ZBTB25: variants seen among roughly 807,000 people sequenced by gnomAD.
ZBTB25 encodes zinc finger and BTB domain containing 25.
In ZBTB25, 20 loss-of-function variants were observed where a neutral mutation model predicts 34.2. That is an observed-to-expected ratio of 0.58 (90% confidence interval 0.41 to 0.85). ZBTB25 has a LOEUF of 0.85. ZBTB25 is among the 40% of genes least tolerant of loss of function. The pLI is 0.00. For synonymous variants in ZBTB25, 175 were observed against 186.4 expected, an observed-to-expected ratio of 0.94 and a Z score of 0.50; for missense variants, 437 against 521.8, an observed-to-expected ratio of 0.84 and a Z score of 1.58.
intron 2 of ZBTB25, among the ~76,000 whole-genome samples, 128 bp downstream of exon 2, chr14:64,490,208 CAAAAAAAAAAAAAAAAAAAAAAAAA>C (rs61367816): frequency 1.1e-5 from 1 of 90,928 alleles, no homozygotes; most frequent in Non-Finnish European, 2.0e-5. Context: ...ACTCTGTCGC[CAAAAAAAAAAAAAAAAAAAAAAAAA>C]AAAAAAAAAA....
intron 2 of ZBTB25, among the ~76,000 whole-genome samples, chr14:64,459,034 C>T (rs1003914010): frequency 6.6e-6 from 1 of 152,138 alleles, no homozygotes. Flanking sequence ...CTAGACTTAA[C>T]GCCCGTCTTA....
intron 2 of ZBTB25, 97 bp from the exon 3 acceptor site, chr14:64,488,154 AG>A: frequency 6.7e-7 from 1 of 1,487,496 alleles, no homozygotes; most frequent in Non-Finnish European, 8.9e-7. Context: ...TTTCTTCCTA[AG>A]AAGTTCGAAC....
rs1187359730 is a variant in ZBTB25 at position 64,486,292 on chromosome 14, ACT to A, written c.*629_*630del. 1.5e-5 allele frequency: 15 copies of A among 980,216 alleles called. No individual in the cohort carries two copies. The highest frequency in any genetic ancestry group is 6.2e-5 in the Admixed American group (1 of 16,210). 60.7% of individuals were successfully genotyped at this position (980,216 alleles called of 1,614,324 possible). A position where few individuals can be genotyped will look rare whatever the true frequency, so the allele number is the denominator to read the frequency against. ...GCCCCAGCCTGGGCGACACAGAGAG[ACT>A]CTGTCTCAAAAAAAAAAAGAGGTAT... On this transcript the variant is annotated 3_prime_UTR_variant, in exon 3 of 3. Transcript: ENST00000608382.
In ZBTB25 at chr14:64,487,411, G is replaced by T. The variant is rs1237169447; in HGVS notation, c.820C>A (p.Leu274Met). 1.9e-6 allele frequency: 3 copies of T among 1,614,214 alleles called. No individual in the cohort carries two copies. Among genetic ancestry groups the T allele is most frequent in the Admixed American group, 3.3e-5 (2 of 60,022 alleles). The change falls in exon 3 of 3, where the codon CTG becomes ATG. Residue 274 changes from leucine (L) to methionine (M), a missense_variant. Coordinates refer to ENST00000608382, the MANE Select transcript of ZBTB25 (RefSeq NM_006977.5). ...ACTTCACCAAGGTCATTACTTTCCA[G>T]AATGGAAGCAGGGACACCGAATGGC... is the stretch of plus-strand genomic sequence containing the variant. Reference protein sequence around the residue: ...SLPFGVPASILESNDLGEVHP... With the variant: ...SLPFGVPASIMESNDLGEVHP...
intron 2 of ZBTB25, among the ~76,000 whole-genome samples, chr14:64,451,314 G>A (rs1436003175): frequency 6.6e-6 from 1 of 152,112 alleles, no homozygotes; most frequent in Non-Finnish European, 1.5e-5. Flanking sequence ...GAGCCAATGT[G>A]CCTGGCCTGG....
intron 1 of ZBTB25, among the ~76,000 whole-genome samples, chr14:64,498,033 T>C (rs2079337988): frequency 1.3e-5 from 2 of 152,166 alleles, no homozygotes; most frequent in Admixed American, 6.5e-5. Context: ...TGGCTATAAA[T>C]ACAAAGGCAA....
At chr14:64,504,858 G>A, upstream of ZBTB25, 2 of 396,984 alleles carry the variant, frequency 5.0e-6, no homozygotes, top group Non-Finnish European at 8.9e-6. Flanking sequence ...ACTGCAGCTC[G>A]CGGCCCCTTC....
chr14:64,485,207 C>T lies in ZBTB25; in HGVS notation c.*1716G>A, dbSNP rs2078844975. ...TTAGCTGGATTACTCTTTGAGCTCC[C>T]TCCTGATTGGACGCTGATGCTGTTG... On this transcript the variant is annotated 3_prime_UTR_variant, in exon 3 of 3. Transcript: ENST00000608382. The T allele has an allele frequency of 1.0e-6, 1 of 985,328 alleles. No individual in the cohort carries two copies. Among genetic ancestry groups the T allele is most frequent in the Admixed American group, 6.1e-5 (1 of 16,270 alleles). 61.0% of individuals were successfully genotyped at this position (985,328 alleles called of 1,614,324 possible). A position where few individuals can be genotyped will look rare whatever the true frequency, so the allele number is the denominator to read the frequency against.
intron 1 of ZBTB25, among the ~76,000 whole-genome samples, chr14:64,495,966 A>C (rs75073055): frequency 0.014 from 2,171 of 152,156 alleles, 46 homozygotes; most frequent in African/African-American, 0.05. Context: ...AAAAGGAAAA[A>C]AAAAAAAAGT....
At chr14:64,503,502 T>C in intron 1 of ZBTB25, 159 bp downstream of exon 1, 1 of 985,414 alleles carries the variant, frequency 1.0e-6, no homozygotes, top group Non-Finnish European at 1.2e-6. Flanking sequence ...TTTCCTCCTG[T>C]GCCCTGCCTG....
chr14:64,457,335 A>T (rs538890678), intron 2 of ZBTB25, among the ~76,000 whole-genome samples: 36 of 152,030 alleles, frequency 2.4e-4, no homozygotes, highest in Non-Finnish European at 4.4e-4. Context: ...ACTCCCCAGC[A>T]CTCATTCTTG....
rs2078766241 is a variant in ZBTB25 at position 64,480,233 on chromosome 14, G to C, written c.*6690C>G. ...AGCTACTCGGGAGGCTGAGGCAGGA[G>C]AATAGCTTGAACCTGGGATGTGAAG... On this transcript the variant is annotated 3_prime_UTR_variant, in exon 3 of 3. Transcript: ENST00000608382. 6 of 276,360 alleles carry C rather than the reference G, an allele frequency of 2.2e-5. No individual in the cohort carries two copies. Among genetic ancestry groups the C allele is most frequent in the South Asian group, 1.7e-4 (6 of 35,534 alleles). The allele number at this position is 276,360 out of a possible 1,614,324, so 17.1% of individuals were successfully genotyped here.
At position 64,485,396 on chromosome 14, in the gene ZBTB25, A is replaced by T; in HGVS notation, c.*1527T>A. 1 of 985,458 alleles carries T rather than the reference A, an allele frequency of 1.0e-6. No individual in the cohort carries two copies. 61.0% of individuals were successfully genotyped at this position (985,458 alleles called of 1,614,324 possible). A position where few individuals can be genotyped will look rare whatever the true frequency, so the allele number is the denominator to read the frequency against. On this transcript the variant is annotated 3_prime_UTR_variant, in exon 3 of 3. Transcript: ENST00000608382. ...AGATGAGTCTGTTTTATTATCCTTG[A>T]CTATGCGGGGTTTGAAATTTAAACA...
At chr14:64,460,018 A>G (rs1392378881) in intron 2 of ZBTB25, 1 of 1,153,460 alleles carries the variant, frequency 8.7e-7, no homozygotes, top group African/African-American at 1.5e-5. Flanking sequence ...TTGGTGTTGC[A>G]ATATGAATTA....
chr14:64,450,026 G>A (rs1220628557), intron 2 of ZBTB25, among the ~76,000 whole-genome samples: 2 of 152,146 alleles, frequency 1.3e-5, no homozygotes, highest in Admixed American at 6.5e-5. Context: ...TCCTGACCTC[G>A]TGATCCACCT....
At chr14:64,464,814 G>A (rs1890117904) in intron 2 of ZBTB25, among the ~76,000 whole-genome samples, 1 of 152,204 alleles carries the variant, frequency 6.6e-6, no homozygotes, top group African/African-American at 2.4e-5. Flanking sequence ...TAAGATGGAT[G>A]GAGCTGGGTT....
chr14:64,475,356 G>A (rs1052127243), downstream of ZBTB25, among the ~76,000 whole-genome samples: 1 of 151,834 alleles, frequency 6.6e-6, no homozygotes, highest in Non-Finnish European at 1.5e-5. Context: ...GGAGAATGGC[G>A]TGAACCCGGG....
intron 1 of ZBTB25, among the ~76,000 whole-genome samples, chr14:64,502,235 G>A (rs2079521465): frequency 6.6e-6 from 1 of 152,088 alleles, no homozygotes; most frequent in Admixed American, 6.5e-5. Flanking sequence ...TTCAAGGTAG[G>A]ACTGGACAAA....
At chr14:64,460,688 T>C (rs1292736760) in intron 2 of ZBTB25, 1 of 151,990 alleles carries the variant, frequency 6.6e-6, no homozygotes, top group Admixed American at 6.6e-5. Flanking sequence ...ATTAGGTTGG[T>C]AAAAACCACA....
Sources: allele counts gnomAD v4.1 joint callset (sites outside exome capture counted in the v4.1 genomes callset), GRCh38; gene constraint gnomAD v4.1.1; transcripts MANE v1.5; gene names NCBI Gene and HGNC (gene_info 2026-07-23, HGNC 2026-07-21).